CTNNA3: variants seen among roughly 807,000 people sequenced by gnomAD.
CTNNA3 encodes catenin alpha 3.
In CTNNA3, 76 loss-of-function variants were observed where a neutral mutation model predicts 95.7. The observed-to-expected ratio is 0.79, with a 90% CI of 0.66 to 0.96. The LOEUF (loss-of-function observed/expected upper bound fraction) is 0.96. Ranked by LOEUF, CTNNA3 falls within the 40% of genes least tolerant of loss-of-function variation. CTNNA3 has a pLI of 0.00. For missense variants in CTNNA3, 1,191 were observed against 1,089.8 expected (o/e 1.09, Z -1.31); for synonymous variants, 431 against 374.4 (o/e 1.15, Z -1.74).
intron 7 of CTNNA3, among the ~76,000 whole-genome samples, chr10:66,829,692 GAA>G (rs140759441): frequency 0.55 from 79,668 of 145,340 alleles, 21,668 homozygotes; most frequent in Admixed American, 0.61. Flanking sequence ...TAACATTTTG[GAA>G]AAAAAAAAAA....
chr10:66,503,228 G>A (rs375351454), intron 11 of CTNNA3, among the ~76,000 whole-genome samples: 13 of 152,280 alleles, frequency 8.5e-5, no homozygotes, highest in African/African-American at 2.9e-4. Flanking sequence ...AAGAATGTGA[G>A]CTCTAAGGAT....
chr10:67,595,642 G>T (rs1162327336), intron 3 of CTNNA3, among the ~76,000 whole-genome samples: 1 of 152,060 alleles, frequency 6.6e-6, no homozygotes, highest in Non-Finnish European at 1.5e-5. Context: ...AGATGTGTTA[G>T]GTCTATTCAG....
At chr10:67,472,681 C>CA (rs1045645263) in intron 5 of CTNNA3, among the ~76,000 whole-genome samples, 1 of 152,144 alleles carries the variant, frequency 6.6e-6, no homozygotes, top group African/African-American at 2.4e-5. Flanking sequence ...CAATTATAAC[C>CA]AATGACGAGC....
intron 5 of CTNNA3, among the ~76,000 whole-genome samples, chr10:67,431,305 T>G (rs1846104906): frequency 6.6e-6 from 1 of 151,988 alleles, no homozygotes; most frequent in Non-Finnish European, 1.5e-5. Context: ...CCCTTTGCAG[T>G]TTTCAGGGTC....
At chr10:66,337,453 C>T (rs1433706216) in intron 12 of CTNNA3, among the ~76,000 whole-genome samples, 1 of 152,044 alleles carries the variant, frequency 6.6e-6, no homozygotes, top group Admixed American at 6.6e-5. Context: ...GTGCTATGAG[C>T]CAGATATTGT....
At chr10:67,104,831 A>AT (rs1858537723) in intron 7 of CTNNA3, among the ~76,000 whole-genome samples, 1 of 152,070 alleles carries the variant, frequency 6.6e-6, no homozygotes, top group Non-Finnish European at 1.5e-5. Context: ...TATAACTGTG[A>AT]TAAAAACTAG....
At chr10:67,298,924 T>C (rs1840152812) in intron 5 of CTNNA3, among the ~76,000 whole-genome samples, 1 of 149,758 alleles carries the variant, frequency 6.7e-6, no homozygotes. Flanking sequence ...TCTTCATATG[T>C]TGCATTTTTT....
chr10:66,928,487 G>C (rs755254733), intron 7 of CTNNA3: 10 of 1,541,896 alleles, frequency 6.5e-6, no homozygotes, highest in Non-Finnish European at 8.7e-6. Flanking sequence ...GCTCTTAAAA[G>C]CTGGGAAATA....
chr10:67,457,874 C>G (rs2132983127), intron 5 of CTNNA3, among the ~76,000 whole-genome samples: 1 of 152,200 alleles, frequency 6.6e-6, no homozygotes, highest in Admixed American at 6.5e-5. Flanking sequence ...CCGGACCCAC[C>G]CAGGTAATCC....
intron 1 of CTNNA3, among the ~76,000 whole-genome samples, chr10:67,726,434 T>A (rs1173744149): frequency 1.5e-5 from 1 of 67,988 alleles, no homozygotes; most frequent in East Asian, 5.1e-4. Flanking sequence ...TATTATATCA[T>A]ATATAATATA....
chr10:67,170,871 C>T (rs10997545), intron 7 of CTNNA3, among the ~76,000 whole-genome samples: 3,282 of 152,214 alleles, frequency 0.022, 86 homozygotes, highest in African/African-American at 0.072. Flanking sequence ...CTATTGAACA[C>T]GAAATATGGT....
intron 13 of CTNNA3, among the ~76,000 whole-genome samples, chr10:66,254,456 G>A (rs968317103): frequency 3.3e-5 from 5 of 152,064 alleles, no homozygotes; most frequent in African/African-American, 1.2e-4. Flanking sequence ...ATACCCTTAA[G>A]CTCCCACTTT....
At chr10:67,566,930 C>A (rs1343532299) in intron 3 of CTNNA3, among the ~76,000 whole-genome samples, 3 of 148,164 alleles carry the variant, frequency 2.0e-5, no homozygotes, top group African/African-American at 7.5e-5. Context: ...GACAAAAAAC[C>A]AAACACCACA....
chr10:67,086,365 G>C (rs980069297), intron 7 of CTNNA3, among the ~76,000 whole-genome samples: 1 of 151,956 alleles, frequency 6.6e-6, no homozygotes, highest in Admixed American at 6.6e-5. Flanking sequence ...ACTTCATTTA[G>C]TTGGGAGATA....
Position 67,370,639 on chromosome 10 carries a change from T to A in CTNNA3, c.580-150769A>T, listed in dbSNP as rs190315031. 3.2e-3 allele frequency among the ~76,000 whole-genome samples: 495 copies of A among 152,310 alleles called. 3 individuals are homozygous for A. The highest frequency in any genetic ancestry group is 0.011 in the African/African-American group (448 of 41,566). ...TGGTTCCTTATAACTAAACTCTGTT[T>A]AGTAAGATTTTCTACTTATCAAAGG... On this transcript the variant is annotated intron_variant, in intron 5 of 17. Coordinates refer to ENST00000433211, the MANE Select transcript of CTNNA3 (RefSeq NM_013266.4).
At chr10:67,391,447 G>A (rs1481980168) in intron 5 of CTNNA3, among the ~76,000 whole-genome samples, 1 of 152,136 alleles carries the variant, frequency 6.6e-6, no homozygotes, top group Non-Finnish European at 1.5e-5. Flanking sequence ...TCATGGGTAG[G>A]AAAATCAATA....
intron 15 of CTNNA3, among the ~76,000 whole-genome samples, chr10:66,020,668 A>ATTTTTTTTTT (rs10687414): frequency 8.8e-5 from 12 of 136,696 alleles, no homozygotes; most frequent in African/African-American, 3.3e-4. Context: ...GATGATCTGA[A>ATTTTTTTTTT]TTTTTTTTTT....
At chr10:66,152,946 T>A (rs935088097) in intron 13 of CTNNA3, among the ~76,000 whole-genome samples, 6 of 151,924 alleles carry the variant, frequency 3.9e-5, no homozygotes, top group South Asian at 2.1e-4. Flanking sequence ...CACTCTCACC[T>A]GGGACTCTAA....
chr10:66,770,074 G>A lies in CTNNA3; in HGVS notation c.1129-3658C>T, dbSNP rs377334912. Among the ~76,000 whole-genome samples the A allele has an allele frequency of 9.4e-4, 143 of 152,220 alleles. 1 individual carries two copies. In the South Asian group the frequency reaches 0.019, roughly 20 times the overall value. Reference sequence around the variant, plus strand: ...TTGCTAATTATACTCTACTACCTTGGCTCTGTACATCACTGGGTTTTGTTC... The same window carrying A: ...TTGCTAATTATACTCTACTACCTTGACTCTGTACATCACTGGGTTTTGTTC... On this transcript the variant is annotated intron_variant, in intron 8 of 17. Transcript: ENST00000433211.
Sources: gnomAD v4.1 joint callset for allele counts (sites outside exome capture counted in the v4.1 genomes callset) on GRCh38, gnomAD v4.1.1 for gene constraint, MANE v1.5 for transcripts, NCBI Gene and HGNC (gene_info 2026-07-23, HGNC 2026-07-21) for gene names.